The following HLTF variants were observed in gnomAD, a reference collection of about 807,000 sequenced individuals.
The protein encoded by HLTF is DNA-dependent ATPase/E3 ubiquitin-protein ligase HLTF.
Under a neutral mutation model 129.4 loss-of-function variants are expected in HLTF, and 127 were observed. The ratio of observed to expected loss-of-function variants is 0.98; its 90% CI spans 0.85 to 1.14. HLTF has a LOEUF of 1.14. Ranked by LOEUF, HLTF falls within the 50% of genes most tolerant of loss-of-function variation. The pLI is 0.00. For missense variants in HLTF, 1,139 were observed against 1,187.1 expected, an observed-to-expected ratio of 0.96 and a Z score of 0.60; for synonymous variants, 332 against 388.8, an observed-to-expected ratio of 0.85 and a Z score of 1.72.
chr3:149,080,963 G>C (rs1719810469), intron 2 of HLTF, among the ~76,000 whole-genome samples: 1 of 151,992 alleles, frequency 6.6e-6, no homozygotes, highest in East Asian at 1.9e-4. Flanking sequence ...ATTATAATGG[G>C]GCTGCCCTAT....
chr3:149,032,217 A>G lies in HLTF; in HGVS notation c.*3T>C, dbSNP rs1467654298. 1.3e-6 allele frequency: 2 copies of G among 1,563,728 alleles called. No homozygotes were observed. The highest frequency in any genetic ancestry group is 2.8e-5 in the African/African-American group (2 of 71,558). On this transcript the variant is annotated 3_prime_UTR_variant, in exon 25 of 25. Coordinates refer to ENST00000310053, the MANE Select transcript of HLTF (RefSeq NM_003071.4). ...CAAACTGACCTTACTAAAATCCCAC[A>G]AATTATAAGTCAATTAATGTTCTGA...
Position 149,069,027 on chromosome 3 carries a change from G to GTC in HLTF, c.895-693_895-692insGA, listed in dbSNP as rs765428464. Among the ~76,000 whole-genome samples the GTC allele has an allele frequency of 3.9e-4, 60 of 152,224 alleles. 4 individuals carry two copies. The highest frequency in any genetic ancestry group is 3.5e-3 in the East Asian group (18 of 5,180). On this transcript the variant is annotated intron_variant, in intron 7 of 24. Transcript: ENST00000310053. Reference sequence around the variant, plus strand: ...ATACTACTAAGACAGACCTTACTCTGTTAACATCTGCACTAATCCTACAAA... The same window carrying GTC: ...ATACTACTAAGACAGACCTTACTCTGTCTTAACATCTGCACTAATCCTACAAA...
intron 20 of HLTF, 181 bp from the exon 21 acceptor site, chr3:149,040,337 G>A (rs1295155121): frequency 5.5e-6 from 3 of 548,294 alleles, no homozygotes; most frequent in Non-Finnish European, 9.4e-6. Flanking sequence ...GACATAATGT[G>A]GTAAGTAGAA....
chr3:149,067,706 A>T (rs750284302), intron 8 of HLTF, among the ~76,000 whole-genome samples: 30 of 151,672 alleles, frequency 2.0e-4, no homozygotes, highest in Admixed American at 3.3e-4. Context: ...TAATAATAAT[A>T]AAAAAAAACC....
intron 2 of HLTF, among the ~76,000 whole-genome samples, chr3:149,078,725 C>T (rs1335773326): frequency 1.3e-5 from 2 of 151,510 alleles, no homozygotes; most frequent in East Asian, 3.9e-4. Context: ...GGCGAGGTGG[C>T]GGGTGCCTGT....
intron 22 of HLTF, 113 bp from the exon 23 acceptor site, chr3:149,039,342 A>G (rs1232148293): frequency 1.2e-6 from 1 of 831,372 alleles, no homozygotes; most frequent in Non-Finnish European, 1.7e-6. Flanking sequence ...TATTTTAACA[A>G]ATGTTTATTG....
chr3:149,061,622 G>A (rs1717957944), intron 10 of HLTF, among the ~76,000 whole-genome samples: 1 of 151,724 alleles, frequency 6.6e-6, no homozygotes, highest in African/African-American at 2.4e-5. Context: ...GATCACCTGA[G>A]GTCAGGAGTT....
At chr3:149,082,697 TAAC>T (rs1183634567) in intron 2 of HLTF, among the ~76,000 whole-genome samples, 1 of 152,128 alleles carries the variant, frequency 6.6e-6, no homozygotes, top group East Asian at 1.9e-4. Flanking sequence ...AAAATTAAAA[TAAC>T]AAGTATGCAA....
intron 1 of HLTF, 124 bp from the exon 2 acceptor site, chr3:149,085,013 T>C: frequency 1.4e-6 from 1 of 690,934 alleles, no homozygotes; most frequent in South Asian, 1.9e-5. Context: ...CGGTAAAGAT[T>C]AATAGTTACT....
chr3:149,076,081 A>G, intron 2 of HLTF, 34 bp from the exon 3 acceptor site: 3 of 822,224 alleles, frequency 3.6e-6, no homozygotes, highest in Non-Finnish European at 5.6e-6. Flanking sequence ...ATATTACATT[A>G]TAAATAATAG....
chr3:149,033,846 AG>A (rs1168480419), intron 24 of HLTF, among the ~76,000 whole-genome samples: 1 of 152,138 alleles, frequency 6.6e-6, no homozygotes, highest in East Asian at 1.9e-4. Flanking sequence ...CTTAAAACCT[AG>A]AACGTATAAA....
Position 149,055,288 on chromosome 3 carries a change from G to A in HLTF, c.1473+15C>T, listed in dbSNP as rs139580251. 3.9e-6 allele frequency: 6 copies of A among 1,551,862 alleles called. No homozygotes were observed. In the Admixed American group the frequency reaches 5.1e-5, roughly 13 times the overall value. On this transcript the variant is annotated intron_variant, in intron 14 of 24. Transcript: ENST00000310053. ...TATAAATTATGTTACATTTTTAAAG[G>A]GCTTAAAGACTTACAATCCAGTTGC...
chr3:149,076,973 G>A (rs1300255878), intron 2 of HLTF, among the ~76,000 whole-genome samples: 2 of 152,046 alleles, frequency 1.3e-5, no homozygotes, highest in South Asian at 2.1e-4. Flanking sequence ...AATAGCTCAC[G>A]GCCAGGCACA....
chr3:149,074,824 C>A (rs1719207182), intron 3 of HLTF, among the ~76,000 whole-genome samples: 2 of 152,104 alleles, frequency 1.3e-5, no homozygotes, highest in Non-Finnish European at 2.9e-5. Flanking sequence ...TTCAAACTCA[C>A]CTAGGATTAT....
At chr3:149,045,986 A>C in intron 18 of HLTF, 94 bp downstream of exon 18, 2 of 876,580 alleles carry the variant, frequency 2.3e-6, no homozygotes, top group South Asian at 3.4e-5. Context: ...AGTATACTTC[A>C]AACTATTGCT....
At chr3:149,064,963 A>C in intron 8 of HLTF, 97 bp from the exon 9 acceptor site, 1 of 634,860 alleles carries the variant, frequency 1.6e-6, no homozygotes, top group Non-Finnish European at 2.6e-6. Flanking sequence ...GCATAATAAA[A>C]ACGACTTAAA....
chr3:149,036,607 T>C (rs751512147), intron 23 of HLTF, among the ~76,000 whole-genome samples: 1 of 151,968 alleles, frequency 6.6e-6, no homozygotes, highest in Admixed American at 6.5e-5. Flanking sequence ...CCAATACTTA[T>C]ACAATGTTCA....
chr3:149,083,168 T>C (rs1720025214), intron 2 of HLTF, among the ~76,000 whole-genome samples: 1 of 152,046 alleles, frequency 6.6e-6, no homozygotes, highest in Non-Finnish European at 1.5e-5. Context: ...GGAGAACCGC[T>C]TGAACCTGGG....
intron 10 of HLTF, among the ~76,000 whole-genome samples, chr3:149,061,294 C>A (rs112118103): frequency 9.9e-5 from 15 of 151,784 alleles, no homozygotes; most frequent in African/African-American, 3.2e-4. Context: ...GCCTGTAGTC[C>A]CAGCTACTCG....
Sources: allele counts gnomAD v4.1 joint callset (sites outside exome capture counted in the v4.1 genomes callset), GRCh38; gene constraint gnomAD v4.1.1; transcripts MANE v1.5; gene names NCBI Gene and HGNC (gene_info 2026-07-23, HGNC 2026-07-21).